SLC7A5: variants seen among roughly 807,000 people sequenced by gnomAD.
SLC7A5 encodes solute carrier family 7 member 5.
Under a neutral mutation model 50.2 loss-of-function variants are expected in SLC7A5, and 23 were observed. That is an observed-to-expected ratio of 0.46 (90% confidence interval 0.33 to 0.65). SLC7A5 has a LOEUF of 0.65. Among genes scored for constraint, SLC7A5 ranks in the 30% least tolerant of loss-of-function variants. The probability of loss-of-function intolerance (pLI) is 0.02; values close to 1 mark genes in which losing one functional copy is unlikely to be tolerated. For missense variants in SLC7A5, 578 were observed against 684.4 expected (o/e 0.84, Z 1.73); for synonymous variants, 393 against 330.6 (o/e 1.19, Z -2.05).
In SLC7A5 at chr16:87,844,788, C is replaced by T. The variant is rs113609962; in HGVS notation, c.665-3633G>A. On this transcript the variant is annotated intron_variant, in intron 2 of 9. Transcript: ENST00000261622. ...GACTTTCCACTGTGCTGGGGCCTTCCGCCTTCCAACCACTCTGGCCCCTTG... is the reference window on the plus strand; with the variant it reads ...GACTTTCCACTGTGCTGGGGCCTTCTGCCTTCCAACCACTCTGGCCCCTTG... 1.5e-3 allele frequency among the ~76,000 whole-genome samples: 232 copies of T among 152,382 alleles called. 1 individual carries two copies. Among genetic ancestry groups the T allele is most frequent in the African/African-American group, 5.3e-3 (219 of 41,598 alleles).
chr16:87,838,200 C>A (rs1386809291), intron 6 of SLC7A5, among the ~76,000 whole-genome samples: 3 of 152,202 alleles, frequency 2.0e-5, no homozygotes, highest in Non-Finnish European at 4.4e-5. Flanking sequence ...ATCTAGGACA[C>A]CACAGCTGTG....
rs1231970344 is a variant in SLC7A5 at position 87,868,880 on chromosome 16, C to G, written c.538+5G>C. 2 of 1,603,022 alleles carry G rather than the reference C, an allele frequency of 1.2e-6. No individual in the cohort carries two copies. Among genetic ancestry groups the G allele is most frequent in the Non-Finnish European group, 1.7e-6 (2 of 1,175,610 alleles). On this transcript the variant is annotated splice_donor_5th_base_variant and intron_variant, in intron 1 of 9. Coordinates refer to ENST00000261622, the MANE Select transcript of SLC7A5 (RefSeq NM_003486.7). ...CCCAACCCCCGGCCCGCGCCCCGTA[C>G]TCACGCACGCAGAGGCAGGCCACGA...
In SLC7A5 at chr16:87,837,535, C is replaced by T. The variant is rs187796817; in HGVS notation, c.1140+310G>A. The stretch of plus-strand genomic sequence containing the variant: ...GTGTGTGATGCACCCCGCTGAGAAA[C>T]GAACAGAGTGGGCGCCCACGGAGGT... On this transcript the variant is annotated intron_variant, in intron 7 of 9. Coordinates refer to ENST00000261622, the MANE Select transcript of SLC7A5 (RefSeq NM_003486.7). 3.6e-4 allele frequency: 148 copies of T among 410,842 alleles called. No individual in the cohort carries two copies. In the East Asian group the frequency reaches 6.1e-3, roughly 17 times the overall value. The allele number at this position is 410,842 out of a possible 1,614,324, so 25.4% of individuals were successfully genotyped here.
chr16:87,867,308 C>T (rs1323561478), intron 1 of SLC7A5, among the ~76,000 whole-genome samples: 3 of 152,182 alleles, frequency 2.0e-5, no homozygotes, highest in South Asian at 2.1e-4. Context: ...TGTACCTAGG[C>T]GGGAGGGAGA....
intron 2 of SLC7A5, among the ~76,000 whole-genome samples, chr16:87,848,770 G>A (rs1365693657): frequency 6.6e-6 from 1 of 152,204 alleles, no homozygotes; most frequent in Non-Finnish European, 1.5e-5. Context: ...CGTGCCTATG[G>A]CTCTCAGGTC....
intron 2 of SLC7A5, among the ~76,000 whole-genome samples, chr16:87,845,805 T>C (rs2055146236): frequency 1.3e-5 from 2 of 152,186 alleles, no homozygotes; most frequent in Admixed American, 1.3e-4. Flanking sequence ...CCCTGAGAAC[T>C]GTCCCCAGCA....
At position 87,833,762 on chromosome 16, in the gene SLC7A5, T is replaced by C. The variant is rs2054961463; in HGVS notation, c.1468+652A>G. On this transcript the variant is annotated intron_variant, in intron 9 of 9. Transcript: ENST00000261622. The surrounding 1 kb of genome is among the most constrained non-coding windows in gnomAD (Gnocchi z 6.0). ...CCTTTTTCTACGAGCCTGGCCACAT[T>C]TGCAGGCGCTGAGGACGGGGTCCTG... is the stretch of plus-strand genomic sequence containing the variant. Among the ~76,000 whole-genome samples, 1 of 151,944 alleles carries C rather than the reference T, an allele frequency of 6.6e-6. No individual in the cohort carries two copies.
Position 87,833,905 on chromosome 16 carries a change from G to A in SLC7A5, c.1468+509C>T, listed in dbSNP as rs1178777441. Among the ~76,000 whole-genome samples, 1 of 151,142 alleles carries A rather than the reference G, an allele frequency of 6.6e-6. No homozygotes were observed. ...GTCTCGCTCTGTCGCCCAGGCTGGA[G>A]TGCAATGGTGCGATCTCGGCTCACT... On this transcript the variant is annotated intron_variant, in intron 9 of 9. Transcript: ENST00000261622. This position sits in a 1 kb window ranked among gnomAD's most constrained non-coding sequence, Gnocchi z 6.0.
At chr16:87,865,392 C>T (rs1048411788) in intron 1 of SLC7A5, among the ~76,000 whole-genome samples, 4 of 152,168 alleles carry the variant, frequency 2.6e-5, no homozygotes, top group African/African-American at 9.7e-5. Context: ...GCTTTACCTA[C>T]TGGGACCAAA....
chr16:87,835,224 T>C (rs13336345), intron 8 of SLC7A5, among the ~76,000 whole-genome samples: 38,490 of 152,050 alleles, frequency 0.25, 5,601 homozygotes, highest in East Asian at 0.58. Flanking sequence ...CCCATCAGTG[T>C]GGGCTGCATG....
At position 87,833,183 on chromosome 16, in the gene SLC7A5, C is replaced by T. The variant is rs371491203; in HGVS notation, c.1469-158G>A. ...AGGAACCTTCCCTTGTGTACTTGCG[C>T]ATGTGGGTGCCGGGTGCCCGAGGCG... is the stretch of plus-strand genomic sequence containing the variant. On this transcript the variant is annotated intron_variant, in intron 9 of 9. Coordinates refer to ENST00000261622, the MANE Select transcript of SLC7A5 (RefSeq NM_003486.7). This position sits in a 1 kb window ranked among gnomAD's most constrained non-coding sequence, Gnocchi z 6.0. Among the ~76,000 whole-genome samples the T allele has an allele frequency of 1.4e-4, 22 of 152,346 alleles. No individual in the cohort carries two copies. The South Asian group carries it at 2.9e-3, about 20-fold the overall frequency.
rs1488736479 is a variant in SLC7A5, at chr16:87,869,132, G to A, written c.291C>T (p.Ile97=). The A allele has an allele frequency of 1.1e-5, 17 of 1,611,802 alleles. No homozygotes were observed. The South Asian group carries it at 1.4e-4, about 14-fold the overall frequency. The change falls in exon 1 of 10, where the codon ATC becomes ATT. Residue 97 remains isoleucine, a synonymous_variant. Transcript: ENST00000261622. The part of the protein sequence containing the change: ...VVWAACGVFS[I]VGALCYAELG... Reference sequence around the variant, plus strand: ...GCTCCGCGTAGCAGAGCGCGCCCACGATGGAGAAGACGCCGCACGCGGCCC... The same window carrying A: ...GCTCCGCGTAGCAGAGCGCGCCCACAATGGAGAAGACGCCGCACGCGGCCC...
chr16:87,864,861 A>G (rs1413590847), intron 1 of SLC7A5, among the ~76,000 whole-genome samples: 3 of 152,262 alleles, frequency 2.0e-5, no homozygotes, highest in African/African-American at 7.2e-5. Flanking sequence ...TCTTAAGATT[A>G]TGCGAGTAAA....
chr16:87,839,559 C>A, intron 5 of SLC7A5, 143 bp downstream of exon 5: 1 of 1,187,940 alleles, frequency 8.4e-7, no homozygotes, highest in South Asian at 1.3e-5. Flanking sequence ...CACTCCACCC[C>A]TCCGGGTAGG....
rs182404685 is a variant in SLC7A5, at chr16:87,835,804, C to A, written c.1290+694G>T. Among the ~76,000 whole-genome samples the A allele has an allele frequency of 3.9e-4, 60 of 152,326 alleles. 1 individual carries two copies. The highest frequency in any genetic ancestry group is 1.5e-4 in the Non-Finnish European group (10 of 68,018). ...CCCGTTCAACAGCATTCACAGGCAC[C>A]CCCGGGGCCCCCAGGCTTCGGGAAC... On this transcript the variant is annotated intron_variant, in intron 8 of 9. Coordinates refer to ENST00000261622, the MANE Select transcript of SLC7A5 (RefSeq NM_003486.7).
At chr16:87,865,590 C>T (rs2055449997) in intron 1 of SLC7A5, among the ~76,000 whole-genome samples, 1 of 152,090 alleles carries the variant, frequency 6.6e-6, no homozygotes, top group Non-Finnish European at 1.5e-5. Flanking sequence ...ACCTGTAGTC[C>T]CAGCTACTCG....
intron 2 of SLC7A5, among the ~76,000 whole-genome samples, chr16:87,850,245 C>T (rs1464615736): frequency 2.0e-5 from 3 of 152,228 alleles, no homozygotes; most frequent in Non-Finnish European, 2.9e-5. Flanking sequence ...CCACCAGTGG[C>T]ACGGTGCACA....
intron 1 of SLC7A5, among the ~76,000 whole-genome samples, chr16:87,857,873 C>T (rs370062567): frequency 4.6e-5 from 7 of 152,140 alleles, no homozygotes; most frequent in Admixed American, 3.3e-4. Flanking sequence ...CTGGCTGGCA[C>T]GGGGGAGGAG....
chr16:87,849,686 C>T lies in SLC7A5; in HGVS notation c.664+2038G>A, dbSNP rs539637731. ...CCTCCCTGGGCAACTTCTGAGTGCC[C>T]GGGAGCCATGGAATGAGCTCGTCTT... On this transcript the variant is annotated intron_variant, in intron 2 of 9. Coordinates refer to ENST00000261622, the MANE Select transcript of SLC7A5 (RefSeq NM_003486.7). Among the ~76,000 whole-genome samples the T allele has an allele frequency of 5.3e-5, 8 of 152,174 alleles. No individual in the cohort carries two copies. The South Asian group carries it at 8.3e-4, about 16-fold the overall frequency.
Sources: allele counts gnomAD v4.1 joint callset (sites outside exome capture counted in the v4.1 genomes callset), GRCh38; gene constraint gnomAD v4.1.1; non-coding constraint Gnocchi (gnomAD v3.1); transcripts MANE v1.5; gene names NCBI Gene and HGNC (gene_info 2026-07-23, HGNC 2026-07-21).